Variants in XPO1 observed in about 807,000 individuals in gnomAD.
XPO1 encodes the protein exportin 1.
Under a neutral mutation model 133.3 loss-of-function variants are expected in XPO1, and 5 were observed. That is an observed-to-expected ratio of 0.04 (90% confidence interval 0.02 to 0.08). The LOEUF (loss-of-function observed/expected upper bound fraction) is 0.08, where lower values mean the gene tolerates loss of function less well. Among genes scored for constraint, XPO1 ranks in the 10% least tolerant of loss-of-function variants. XPO1 has a pLI of 1.00. For synonymous variants in XPO1, 419 were observed against 408.2 expected, an observed-to-expected ratio of 1.03 and a Z score of -0.32; for missense variants, 506 against 1,267.5, an observed-to-expected ratio of 0.40 and a Z score of 9.12.
chr2:61,512,023 C>G (rs905534702), intron 4 of XPO1, among the ~76,000 whole-genome samples: 58 of 152,222 alleles, frequency 3.8e-4, no homozygotes, highest in African/African-American at 1.3e-3. Flanking sequence ...CCTGCCTAGG[C>G]CTCCCAAAGT....
intron 4 of XPO1, among the ~76,000 whole-genome samples, chr2:61,502,965 CT>C (rs201077547): frequency 2.5e-4 from 34 of 138,342 alleles, no homozygotes; most frequent in East Asian, 6.4e-4. Flanking sequence ...TGTTTCTTTT[CT>C]TTTTTTTTTT....
chr2:61,482,881 C>G, intron 22 of XPO1, 76 bp downstream of exon 22: 1 of 1,575,102 alleles, frequency 6.3e-7, no homozygotes, highest in Non-Finnish European at 8.6e-7. Flanking sequence ...CCTCGACCTC[C>G]CAAAGTGCTG....
chr2:61,519,565 G>A (rs1316697002), intron 4 of XPO1, among the ~76,000 whole-genome samples: 1 of 150,736 alleles, frequency 6.6e-6, no homozygotes, highest in African/African-American at 2.4e-5. Flanking sequence ...TGGGTGTGGT[G>A]GCGGGTGCCT....
At chr2:61,483,362 G>T (rs969109035) in intron 21 of XPO1, 6 of 329,384 alleles carry the variant, frequency 1.8e-5, no homozygotes, top group Non-Finnish European at 3.3e-5. Flanking sequence ...TTGGGGACTT[G>T]TGGGGAAGGG....
intron 19 of XPO1, among the ~76,000 whole-genome samples, chr2:61,486,185 CT>C (rs199965674): frequency 2.6e-4 from 38 of 146,824 alleles, no homozygotes; most frequent in Non-Finnish European, 2.4e-4. Flanking sequence ...TCATTCAAGA[CT>C]TTTTTTTTTT....
At chr2:61,495,739 A>T in intron 10 of XPO1, 126 bp from the exon 11 acceptor site, 1 of 928,206 alleles carries the variant, frequency 1.1e-6, no homozygotes, top group Non-Finnish European at 1.5e-6. Context: ...TGGTATGACC[A>T]AAGCTCACTG....
Position 61,537,555 on chromosome 2 carries a change from G to A in XPO1, c.-7+7C>T, listed in dbSNP as rs1699408386. 1 of 150,434 alleles carries A rather than the reference G, an allele frequency of 6.6e-6. No homozygotes were observed. The highest frequency in any genetic ancestry group is 2.4e-5 in the African/African-American group (1 of 41,052). 9.3% of individuals were successfully genotyped at this position (150,434 alleles called of 1,614,324 possible). A position where few individuals can be genotyped will look rare whatever the true frequency, so the allele number is the denominator to read the frequency against. ...GACCCTCGGCCCCGAAGACACAGTC[G>A]ACTTACCCAGAGATTGAACCAACTG... On this transcript the variant is annotated splice_region_variant and intron_variant, in intron 1 of 24. Transcript: ENST00000401558.
chr2:61,492,624 G>A lies in XPO1; in HGVS notation c.1509C>T (p.Ser503=), dbSNP rs199770475. 2.5e-6 allele frequency: 4 copies of A among 1,613,724 alleles called. No homozygotes were observed. Among genetic ancestry groups the A allele is most frequent in the South Asian group, 2.2e-5 (2 of 91,046 alleles). The stretch of plus-strand genomic sequence containing the variant: ...CCTCTTCATGCATTGCTCCACTAAT[G>A]GAGCCTATTGCCCAACACAATGTAT... ...NLNTLCWAIG[S]ISGAMHEEDE... is the part of the protein sequence containing the mutation. Residue 503 remains serine (S), a synonymous_variant, in exon 14 of 25, where the codon TCC becomes TCT. Coordinates refer to ENST00000401558, the MANE Select transcript of XPO1 (RefSeq NM_003400.4). This position sits in a 1 kb window ranked among gnomAD's most constrained non-coding sequence, Gnocchi z 5.6.
intron 4 of XPO1, among the ~76,000 whole-genome samples, chr2:61,518,658 G>GA (rs1193209275): frequency 6.6e-6 from 1 of 151,436 alleles, no homozygotes; most frequent in South Asian, 2.1e-4. Flanking sequence ...AAAAACCAAA[G>GA]AAAAAAAGAC....
chr2:61,519,706 A>G (rs1407469388), intron 4 of XPO1, among the ~76,000 whole-genome samples: 1 of 57,902 alleles, frequency 1.7e-5, no homozygotes, highest in Non-Finnish European at 4.5e-5. Flanking sequence ...CTCAAAAAAA[A>G]AAAAAAAAAA....
intron 24 of XPO1, among the ~76,000 whole-genome samples, chr2:61,479,594 T>G (rs1558622930): frequency 1.3e-5 from 2 of 152,166 alleles, no homozygotes; most frequent in Non-Finnish European, 2.9e-5. Context: ...TCACACAAAT[T>G]TTGTTCTCTT....
intron 4 of XPO1, among the ~76,000 whole-genome samples, chr2:61,521,858 G>A (rs1698709069): frequency 6.7e-6 from 1 of 150,264 alleles, no homozygotes; most frequent in Non-Finnish European, 1.5e-5. Context: ...TGGCTCAAGG[G>A]ATCCTCCTAC....
At chr2:61,514,702 T>C (rs1008157593) in intron 4 of XPO1, among the ~76,000 whole-genome samples, 4 of 151,956 alleles carry the variant, frequency 2.6e-5, no homozygotes, top group Non-Finnish European at 4.4e-5. Context: ...TCAGCCGAGA[T>C]GTGAAACATA....
chr2:61,482,033 C>CTTTTTTTTTTTTTTTTTT lies in XPO1; in HGVS notation c.2972+346_2972+347insAAAAAAAAAAAAAAAAAA, dbSNP rs1491506588. ...TACAGTCATGAGCCACCGTGCGTGG[C>CTTTTTTTTTTTTTTTTTT]CTTTTTTTTTTTTTTTTTTTTTTTG... On this transcript the variant is annotated intron_variant, in intron 23 of 24. Coordinates refer to ENST00000401558, the MANE Select transcript of XPO1 (RefSeq NM_003400.4). 2.6e-3 allele frequency among the ~76,000 whole-genome samples: 228 copies of CTTTTTTTTTTTTTTTTTT among 86,806 alleles called. 54 individuals are homozygous for CTTTTTTTTTTTTTTTTTT. Among genetic ancestry groups the CTTTTTTTTTTTTTTTTTT allele is most frequent in the Non-Finnish European group, 3.4e-3 (138 of 40,018 alleles). 56.9% of individuals were successfully genotyped at this position (86,806 alleles called of 152,430 possible).
intron 4 of XPO1, among the ~76,000 whole-genome samples, chr2:61,518,131 CA>C (rs1201374521): frequency 9.8e-5 from 13 of 132,680 alleles, no homozygotes; most frequent in Middle Eastern, 4.0e-3. Context: ...CTCTGTCTCA[CA>C]AAAAAAAAAG....
chr2:61,481,374 T>C, intron 23 of XPO1, 93 bp from the exon 24 acceptor site: 1 of 786,928 alleles, frequency 1.3e-6, no homozygotes, highest in Non-Finnish European at 1.9e-6. Context: ...AGTGGCATGA[T>C]CTCTGCTCAC....
At chr2:61,537,299 C>T (rs1285188604) in intron 1 of XPO1, among the ~76,000 whole-genome samples, 2 of 151,808 alleles carry the variant, frequency 1.3e-5, no homozygotes, top group African/African-American at 2.4e-5. Flanking sequence ...CACTCCTCGC[C>T]TTCCTCCACC....
chr2:61,481,446 T>C (rs1696350409), intron 23 of XPO1, among the ~76,000 whole-genome samples, 165 bp from the exon 24 acceptor site: 1 of 152,072 alleles, frequency 6.6e-6, no homozygotes, highest in Non-Finnish European at 1.5e-5. Context: ...TAATGTTTTT[T>C]TTTTTTAATC....
chr2:61,515,818 T>C (rs909020386), intron 4 of XPO1, among the ~76,000 whole-genome samples: 5 of 151,270 alleles, frequency 3.3e-5, no homozygotes, highest in Non-Finnish European at 5.9e-5. Flanking sequence ...GCACGGTGGC[T>C]CACGCCTGTA....
Sources: gnomAD v4.1 joint callset for allele counts (sites outside exome capture counted in the v4.1 genomes callset) on GRCh38, gnomAD v4.1.1 for gene constraint, Gnocchi (gnomAD v3.1) non-coding constraint, MANE v1.5 for transcripts, NCBI Gene and HGNC (gene_info 2026-07-23, HGNC 2026-07-21) for gene names.